The following ARHGAP36 variants were observed in gnomAD, a reference collection of about 807,000 sequenced individuals.
ARHGAP36 encodes rho GTPase-activating protein 36.
Under a neutral mutation model 32.9 loss-of-function variants are expected in ARHGAP36, and 7 were observed. The observed-to-expected ratio is 0.21, with a 90% CI of 0.12 to 0.40. ARHGAP36 has a LOEUF of 0.40. Among genes scored for constraint, ARHGAP36 ranks in the 10% least tolerant of loss-of-function variants. ARHGAP36 has a pLI of 1.00. For missense variants in ARHGAP36, 383 were observed against 442.2 expected (o/e 0.87, Z 1.20); for synonymous variants, 165 against 168.3 (o/e 0.98, Z 0.15).
At chrX:131,084,525 A>C (rs1407126008) in intron 5 of ARHGAP36, 101 bp from the exon 6 acceptor site, 3 of 1,126,373 alleles carry the variant, frequency 2.7e-6, no homozygotes, top group Non-Finnish European at 3.6e-6. Flanking sequence ...TTCCCCTGAC[A>C]CCCAGTGGAG....
chrX:131,068,004 C>T (rs1276554879), intron 1 of ARHGAP36, among the ~76,000 whole-genome samples: 1 of 111,574 alleles, frequency 9.0e-6, no homozygotes, highest in Non-Finnish European at 1.9e-5. Context: ...AGCACGACCA[C>T]AAACCCCGGC....
intron 11 of ARHGAP36, among the ~76,000 whole-genome samples, chrX:131,087,265 A>G (rs2079840441): frequency 8.9e-6 from 1 of 112,167 alleles, no homozygotes; most frequent in Non-Finnish European, 1.9e-5. Context: ...AGAAGATCCC[A>G]GTCTTGAAGA....
chrX:131,088,372 G>A (rs745747518), intron 11 of ARHGAP36, among the ~76,000 whole-genome samples: 27 of 112,036 alleles, frequency 2.4e-4, no homozygotes, highest in African/African-American at 4.9e-4. Flanking sequence ...CCCTCTGAGC[G>A]CAGGGTATCT....
chrX:131,072,759 C>T (rs1022052959), intron 1 of ARHGAP36, among the ~76,000 whole-genome samples: 1 of 111,468 alleles, frequency 9.0e-6, no homozygotes, highest in Non-Finnish European at 1.9e-5. Context: ...ACAGTGAGAA[C>T]CAGTGGGAGT....
chrX:131,075,759 G>A (rs985728720), intron 1 of ARHGAP36, among the ~76,000 whole-genome samples: 4 of 110,492 alleles, frequency 3.6e-5, no homozygotes, highest in African/African-American at 1.3e-4. Context: ...AAAGAAGGTA[G>A]TCTTGGTTTA....
intron 1 of ARHGAP36, among the ~76,000 whole-genome samples, chrX:131,077,703 T>C (rs1440619609): frequency 9.4e-6 from 1 of 106,648 alleles, no homozygotes; most frequent in East Asian, 2.9e-4. Flanking sequence ...CCGCTCTTTG[T>C]TCAAATTCTC....
intron 2 of ARHGAP36, among the ~76,000 whole-genome samples, chrX:131,082,210 A>T (rs2079804949): frequency 1.8e-5 from 2 of 112,291 alleles, no homozygotes; most frequent in Non-Finnish European, 3.8e-5. Flanking sequence ...CGGTGAAGAG[A>T]CAGCCGCAGC....
intron 11 of ARHGAP36, 37 bp downstream of exon 11, chrX:131,086,702 G>A (rs779966461): frequency 8.6e-7 from 1 of 1,167,301 alleles, no homozygotes; most frequent in Non-Finnish European, 1.2e-6. Context: ...CTTGCTGAAG[G>A]TCAGTCCCTT....
At chrX:131,075,623 A>ATATGTG (rs778565871) in intron 1 of ARHGAP36, among the ~76,000 whole-genome samples, 3 of 98,134 alleles carry the variant, frequency 3.1e-5, no homozygotes, top group African/African-American at 1.1e-4. Flanking sequence ...GTGTATATAT[A>ATATGTG]TGTGTGTGTG....
At chrX:131,061,240 T>G (rs1028823568) in intron 1 of ARHGAP36, among the ~76,000 whole-genome samples, 4 of 111,235 alleles carry the variant, frequency 3.6e-5, no homozygotes, top group African/African-American at 1.3e-4. Flanking sequence ...AAATTTACTT[T>G]AAGTTCTGGG....
intron 1 of ARHGAP36, among the ~76,000 whole-genome samples, chrX:131,077,764 CATAT>C (rs72142237): frequency 0.026 from 2,209 of 86,081 alleles, 40 homozygotes; most frequent in East Asian, 0.049. Flanking sequence ...CAAATAAAAT[CATAT>C]ATATATATAT....
intron 1 of ARHGAP36, among the ~76,000 whole-genome samples, chrX:131,067,168 C>T (rs191784387): frequency 6.6e-4 from 74 of 112,219 alleles, no homozygotes; most frequent in African/African-American, 2.4e-3. Flanking sequence ...AGGAGTTTGT[C>T]ACAAGGCCCA....
intron 1 of ARHGAP36, among the ~76,000 whole-genome samples, chrX:131,070,791 C>G (rs1241638596): frequency 9.2e-6 from 1 of 108,990 alleles, no homozygotes; most frequent in Non-Finnish European, 1.9e-5. Context: ...ACCAGGCAAT[C>G]GCTGTAATCC....
chrX:131,075,439 G>T (rs1198426351), intron 1 of ARHGAP36, among the ~76,000 whole-genome samples: 1 of 110,337 alleles, frequency 9.1e-6, no homozygotes, highest in Non-Finnish European at 1.9e-5. Context: ...GTGGGCTGGG[G>T]TAAGAAATAT....
chrX:131,058,413 C>A lies in ARHGAP36; in HGVS notation c.-174C>A. On this transcript the variant is annotated 5_prime_UTR_variant, in exon 1 of 12. Transcript: ENST00000276211. ...TGGCGTGGATACTGGACTGCCTTTTCGCCTCGGCCTTTGAGCCCCGCCCCC... is the reference window on the plus strand; with the variant it reads ...TGGCGTGGATACTGGACTGCCTTTTAGCCTCGGCCTTTGAGCCCCGCCCCC... 1 of 1,101,345 alleles carries A rather than the reference C, an allele frequency of 9.1e-7. No homozygotes were observed. Among genetic ancestry groups the A allele is most frequent in the Middle Eastern group, 2.5e-4 (1 of 4,078 alleles). The allele number at this position is 1,101,345 out of a possible 1,213,427, so 90.8% of individuals were successfully genotyped here. A position where few individuals can be genotyped will look rare whatever the true frequency, so the allele number is the denominator to read the frequency against.
chrX:131,064,357 A>C (rs1245343613), intron 1 of ARHGAP36, among the ~76,000 whole-genome samples: 1 of 111,695 alleles, frequency 9.0e-6, no homozygotes, highest in Non-Finnish European at 1.9e-5. Context: ...CATCTTCCTA[A>C]AAGAAGAGGG....
At position 131,085,578 on chromosome X, in the gene ARHGAP36, C is replaced by A. The variant is rs972229413; in HGVS notation, c.956-10C>A. On this transcript the variant is annotated splice_polypyrimidine_tract_variant and intron_variant, in intron 7 of 11. Coordinates refer to ENST00000276211, the MANE Select transcript of ARHGAP36 (RefSeq NM_144967.4). Reference sequence around the variant, plus strand: ...TCCCCCTGAGACAGCCCCTGTTTTCCTTCTTCTAGCTTTAAAGCCCCAGGA... The same window carrying A: ...TCCCCCTGAGACAGCCCCTGTTTTCATTCTTCTAGCTTTAAAGCCCCAGGA... 5.0e-6 allele frequency: 6 copies of A among 1,208,116 alleles called. No individual in the cohort carries two copies. The highest frequency in any genetic ancestry group is 1.7e-5 in the African/African-American group (1 of 57,579).
At position 131,070,596 on chromosome X, in the gene ARHGAP36, TC is replaced by T. The variant is rs752623131; in HGVS notation, c.-142-10924del. On this transcript the variant is annotated intron_variant, in intron 1 of 11. Coordinates refer to ENST00000276211, the MANE Select transcript of ARHGAP36 (RefSeq NM_144967.4). ...CTATGTGACTTTGGGCAAGTTATTT[TC>T]CCCTCTCTGGGCTTCAGTGGCAAGG... Among the ~76,000 whole-genome samples, 567 of 111,514 alleles carry T rather than the reference TC, an allele frequency of 5.1e-3. 4 individuals are homozygous for T. The highest frequency in any genetic ancestry group is 0.018 in the African/African-American group (542 of 30,612).
rs1318580356 is a variant in ARHGAP36, at chrX:131,084,518, C to T, written c.749-108C>T. 5 of 1,130,485 alleles carry T rather than the reference C, an allele frequency of 4.4e-6. No individual in the cohort carries two copies. In the Admixed American group the frequency reaches 1.1e-4, roughly 26 times the overall value. The allele number at this position is 1,130,485 out of a possible 1,213,427, so 93.2% of individuals were successfully genotyped here. On this transcript the variant is annotated intron_variant, in intron 5 of 11. Coordinates refer to ENST00000276211, the MANE Select transcript of ARHGAP36 (RefSeq NM_144967.4). ...AGGATGAAGGGCTTGGATAACATTC[C>T]CCTGACACCCAGTGGAGGTCGCGAT...
Sources: allele counts gnomAD v4.1 joint callset (sites outside exome capture counted in the v4.1 genomes callset), GRCh38; gene constraint gnomAD v4.1.1; transcripts MANE v1.5; gene names NCBI Gene and HGNC (gene_info 2026-07-23, HGNC 2026-07-21).